Variants in RARB observed in about 807,000 individuals in gnomAD.
RARB encodes the protein retinoic acid receptor beta, also known as HBV-activated protein.
A neutral mutation model predicts 51.9 loss-of-function variants in RARB; 17 were observed. The ratio of observed to expected loss-of-function variants is 0.33; its 90% CI spans 0.22 to 0.49. RARB has a LOEUF of 0.49. Ranked by LOEUF, RARB falls within the 20% of genes least tolerant of loss-of-function variation. The pLI, the probability that RARB is intolerant of heterozygous loss-of-function variation, is 0.99. For missense variants in RARB, 369 were observed against 550.8 expected (o/e 0.67, Z 3.30); for synonymous variants, 215 against 195.4 (o/e 1.10, Z -0.84).
Position 25,497,413 on chromosome 3 carries a change from CAAATACCACCTCTTCTTTCGCCA to C in RARB, c.307-3744_307-3722del, listed in dbSNP as rs529648354. Among the ~76,000 whole-genome samples, 14 of 152,280 alleles carry C rather than the reference CAAATACCACCTCTTCTTTCGCCA, an allele frequency of 9.2e-5. No homozygotes were observed. The East Asian group carries it at 9.7e-4, about 11-fold the overall frequency. On this transcript the variant is annotated intron_variant, in intron 2 of 7. Transcript: ENST00000330688. The stretch of plus-strand genomic sequence containing the variant: ...AGACAGTCTCTCTTTCCTTAGTCTG[CAAATACCACCTCTTCTTTCGCCA>C]AAATACCACCTCTTCTTTCGCCAAT...
chr3:25,415,196 A>G lies in RARB; in HGVS notation c.179-45997A>G, dbSNP rs146947565. On this transcript the variant is annotated intron_variant, in intron 5 of 11. Transcript: ENST00000383772. The stretch of plus-strand genomic sequence containing the variant: ...GAGTCTTCCAAAGAATAGAAGTTGT[A>G]AATTATAATGAAGTTCTAATTATTT... 3.8e-3 allele frequency among the ~76,000 whole-genome samples: 578 copies of G among 152,326 alleles called. 8 individuals carry two copies. Among genetic ancestry groups the G allele is most frequent in the African/African-American group, 0.013 (543 of 41,562 alleles).
intron 2 of RARB, among the ~76,000 whole-genome samples, chr3:24,861,627 G>C (rs1702749914): frequency 6.8e-6 from 1 of 146,456 alleles, no homozygotes; most frequent in African/African-American, 2.5e-5. Flanking sequence ...CTTTCCTGAA[G>C]CAAAAAAGTT....
chr3:25,332,732 A>T (rs916971219), intron 5 of RARB, among the ~76,000 whole-genome samples: 256 of 152,328 alleles, frequency 1.7e-3, no homozygotes, highest in Admixed American at 2.6e-3. Context: ...GAGGAAGTCA[A>T]ATTGTCCCTG....
At chr3:25,190,069 C>G (rs1010032171) in intron 5 of RARB, among the ~76,000 whole-genome samples, 1 of 151,800 alleles carries the variant, frequency 6.6e-6, no homozygotes, top group Non-Finnish European at 1.5e-5. Flanking sequence ...CAGTTTGGGT[C>G]AATTTATCGA....
intron 2 of RARB, among the ~76,000 whole-genome samples, chr3:24,896,603 A>G (rs866274942): frequency 3.6e-4 from 55 of 152,294 alleles, no homozygotes; most frequent in African/African-American, 1.2e-3. Context: ...GGACATGGAC[A>G]GTGGTGATGG....
At chr3:25,306,990 C>G (rs1271792186) in intron 5 of RARB, among the ~76,000 whole-genome samples, 1 of 152,156 alleles carries the variant, frequency 6.6e-6, no homozygotes, top group Non-Finnish European at 1.5e-5. Context: ...AGATACATTC[C>G]TTCACATTCT....
chr3:25,015,111 A>G (rs1474750784), intron 2 of RARB, among the ~76,000 whole-genome samples: 1 of 152,206 alleles, frequency 6.6e-6, no homozygotes, highest in African/African-American at 2.4e-5. Flanking sequence ...TCTGTGTATA[A>G]GATGAAGATG....
At chr3:24,977,891 T>C (rs1194315991) in intron 2 of RARB, among the ~76,000 whole-genome samples, 4 of 152,190 alleles carry the variant, frequency 2.6e-5, no homozygotes, top group African/African-American at 7.2e-5. Flanking sequence ...GCTGTGGGTT[T>C]GTCATAAATA....
chr3:25,397,492 C>T (rs1196797715), intron 5 of RARB, among the ~76,000 whole-genome samples: 2 of 152,208 alleles, frequency 1.3e-5, no homozygotes, highest in Non-Finnish European at 2.9e-5. Context: ...CAAAAGTTCA[C>T]AGTGTGAGTC....
chr3:25,223,921 T>C (rs1161083309), intron 5 of RARB, among the ~76,000 whole-genome samples: 3 of 152,252 alleles, frequency 2.0e-5, no homozygotes, highest in Non-Finnish European at 4.4e-5. Context: ...ATGCACTGTC[T>C]TTTTATTTAC....
chr3:24,939,479 A>G (rs1395320391), intron 2 of RARB, among the ~76,000 whole-genome samples: 1 of 152,196 alleles, frequency 6.6e-6, no homozygotes, highest in Non-Finnish European at 1.5e-5. Flanking sequence ...TCTCTTGTAT[A>G]TTACAATAAA....
intron 2 of RARB, among the ~76,000 whole-genome samples, chr3:24,939,655 G>T (rs1354051761): frequency 6.6e-6 from 1 of 152,152 alleles, no homozygotes; most frequent in Admixed American, 6.6e-5. Context: ...GGTTTCAGAT[G>T]AACTGTTCTG....
chr3:24,849,778 A>G (rs1437202212), intron 1 of RARB, among the ~76,000 whole-genome samples: 5 of 152,244 alleles, frequency 3.3e-5, no homozygotes, highest in Non-Finnish European at 7.3e-5. Flanking sequence ...GGAATGAGCT[A>G]AAAGATGTCA....
chr3:25,107,514 T>C (rs1292924539), intron 3 of RARB, among the ~76,000 whole-genome samples: 1 of 152,196 alleles, frequency 6.6e-6, no homozygotes, highest in Non-Finnish European at 1.5e-5. Context: ...ATATTAAAGA[T>C]GAATTAAGCA....
chr3:24,932,125 A>G (rs1343464601), intron 2 of RARB, among the ~76,000 whole-genome samples: 2 of 152,100 alleles, frequency 1.3e-5, no homozygotes, highest in African/African-American at 4.8e-5. Flanking sequence ...ACCTAGTCCA[A>G]GTACCACATG....
At chr3:25,135,525 A>G (rs1389371512) in intron 4 of RARB, among the ~76,000 whole-genome samples, 1 of 151,990 alleles carries the variant, frequency 6.6e-6, no homozygotes, top group Non-Finnish European at 1.5e-5. Flanking sequence ...TTATGTTGCA[A>G]ATGATTTGTG....
intron 5 of RARB, among the ~76,000 whole-genome samples, chr3:25,304,557 T>G (rs2125429433): frequency 6.6e-6 from 1 of 151,954 alleles, no homozygotes; most frequent in East Asian, 1.9e-4. Flanking sequence ...TTGACTCTTC[T>G]TTCATGCCCG....
intron 2 of RARB, among the ~76,000 whole-genome samples, chr3:25,494,893 T>A (rs1696946747): frequency 6.6e-6 from 1 of 152,230 alleles, no homozygotes; most frequent in Non-Finnish European, 1.5e-5. Context: ...TAGCTGCTAT[T>A]CACTGGACGC....
intron 3 of RARB, among the ~76,000 whole-genome samples, chr3:25,060,941 G>A (rs1275429109): frequency 6.6e-6 from 1 of 151,872 alleles, no homozygotes; most frequent in East Asian, 1.9e-4. Context: ...TCACACAGAT[G>A]AAGCATTTGT....
Sources: gnomAD v4.1 joint callset for allele counts (sites outside exome capture counted in the v4.1 genomes callset) on GRCh38, gnomAD v4.1.1 for gene constraint, MANE v1.5 for transcripts, NCBI Gene and HGNC (gene_info 2026-07-23, HGNC 2026-07-21) for gene names.